The following RNF126 variants were observed in gnomAD, a reference collection of about 807,000 sequenced individuals.
RNF126 encodes E3 ubiquitin-protein ligase RNF126.
RNF126 carries 20 observed loss-of-function variants against 41.9 expected under a neutral mutation model. The observed-to-expected ratio is 0.48, with a 90% CI of 0.34 to 0.69. RNF126 has a LOEUF of 0.69. Ranked by LOEUF, RNF126 falls within the 30% of genes least tolerant of loss-of-function variation. The pLI is 0.01. For missense variants in RNF126, 433 were observed against 460.6 expected, an observed-to-expected ratio of 0.94 and a Z score of 0.55; for synonymous variants, 239 against 202.9, an observed-to-expected ratio of 1.18 and a Z score of -1.51.
chr19:651,574 C>T (rs560298622), intron 4 of RNF126, 37 bp downstream of exon 4: 252 of 1,388,224 alleles, frequency 1.8e-4, no homozygotes, highest in South Asian at 2.9e-4. Context: ...GACCTCAAGG[C>T]GTGGGGCCCT....
At position 649,711 on chromosome 19, in the gene RNF126, C is replaced by T. The variant is rs866794144; in HGVS notation, c.544G>A (p.Gly182Arg). The T allele has an allele frequency of 6.4e-7, 1 of 1,570,870 alleles. No homozygotes were observed. Among genetic ancestry groups the T allele is most frequent in the Non-Finnish European group, 8.6e-7 (1 of 1,156,206 alleles). The change falls in exon 6 of 9, where the codon GGG (glycine) becomes AGG (arginine). Residue 182 changes from glycine (G) to arginine (R), a missense_variant. Physicochemically the swap from Gly to Arg is moderately radical, Grantham distance 125. This residue lies in a region of RNF126 where 97 missense variants were observed against 121.7 expected (regional missense o/e 0.80). Transcript: ENST00000292363. The stretch of plus-strand genomic sequence containing the variant: ...ATGATGGCATCCAGGCCGTTGGCCC[C>T]CCAGGCGTAGTCCATAGGGTTTGAG... ...LHSNPMDYAWGANGLDAIITQ... is the reference protein window; with the variant it reads ...LHSNPMDYAWRANGLDAIITQ...
chr19:651,808 A>G lies in RNF126; in HGVS notation c.246T>C (p.Phe82=). Residue 82 remains phenylalanine (F), a synonymous_variant, in exon 4 of 9, where the codon TTT becomes TTC. Transcript: ENST00000292363. Reference sequence around the variant, plus strand: ...AGCTGTCATCGAAGATGCCGAAAGCAAACTGTCCGTAGCCCTGCGGCAGCG... The same window carrying G: ...AGCTGTCATCGAAGATGCCGAAAGCGAACTGTCCGTAGCCCTGCGGCAGCG... ...LFTLPQGYGQ[F]AFGIFDDSFE... 1.3e-5 allele frequency: 21 copies of G among 1,612,740 alleles called. No homozygotes were observed. The highest frequency in any genetic ancestry group is 1.8e-5 in the Non-Finnish European group (21 of 1,179,852).
At chr19:655,469 G>A (rs773274708) in intron 1 of RNF126, among the ~76,000 whole-genome samples, 1 of 151,890 alleles carries the variant, frequency 6.6e-6, no homozygotes, top group Non-Finnish European at 1.5e-5. Context: ...CCGGGCGACA[G>A]AGTGACACTC....
chr19:652,699 C>T (rs933167320), intron 2 of RNF126, 127 bp downstream of exon 2: 29 of 832,056 alleles, frequency 3.5e-5, no homozygotes, highest in Non-Finnish European at 5.3e-5. Context: ...AAAGTGCTCC[C>T]GGAGCCACAG....
intron 1 of RNF126, among the ~76,000 whole-genome samples, chr19:657,521 G>A (rs1172085239): frequency 6.6e-6 from 1 of 152,220 alleles, no homozygotes; most frequent in Non-Finnish European, 1.5e-5. Flanking sequence ...CCCTCTCTCT[G>A]CAGCACCCAC....
At chr19:657,583 A>G (rs555716838) in intron 1 of RNF126, among the ~76,000 whole-genome samples, 73 of 152,200 alleles carry the variant, frequency 4.8e-4, no homozygotes, top group African/African-American at 1.7e-3. Context: ...CGCCCACCCT[A>G]GGGGTTTCAA....
In RNF126 at chr19:647,908, G is replaced by A. The variant is rs747403945; in HGVS notation, c.*220C>T. The stretch of plus-strand genomic sequence containing the variant: ...TAGAGGGTGAGGTTAGACAGAGGAC[G>A]GGGAGGCTGGGGACGCCCCAGAGGG... On this transcript the variant is annotated 3_prime_UTR_variant, in exon 9 of 9. Transcript: ENST00000292363. 7.7e-5 allele frequency: 49 copies of A among 634,328 alleles called. No individual in the cohort carries two copies. Among genetic ancestry groups the A allele is most frequent in the Middle Eastern group, 3.5e-4 (1 of 2,830 alleles). 39.3% of individuals were successfully genotyped at this position (634,328 alleles called of 1,614,324 possible).
At chr19:652,669 C>T (rs983112197) in intron 2 of RNF126, 157 bp downstream of exon 2, 19 of 685,280 alleles carry the variant, frequency 2.8e-5, no homozygotes, top group Admixed American at 7.9e-5. Context: ...GAGAACGGCA[C>T]GCTGCTGTCT....
intron 1 of RNF126, among the ~76,000 whole-genome samples, chr19:655,378 C>T (rs1319098755): frequency 2.6e-5 from 4 of 151,492 alleles, no homozygotes; most frequent in African/African-American, 9.7e-5. Flanking sequence ...CGGGCAAAGT[C>T]GGGAGGCTGA....
chr19:648,626 C>G, intron 7 of RNF126, 139 bp from the exon 8 acceptor site: 1 of 726,486 alleles, frequency 1.4e-6, no homozygotes, highest in South Asian at 1.7e-5. Context: ...GTCCCCCGGG[C>G]TGCCAGAGGG....
intron 1 of RNF126, among the ~76,000 whole-genome samples, chr19:658,369 G>C (rs754725925): frequency 1.8e-3 from 221 of 122,014 alleles, no homozygotes; most frequent in Non-Finnish European, 2.7e-3. Context: ...ACAGTGACCA[G>C]GGCAGGCAGG....
chr19:648,771 C>A, intron 7 of RNF126, 111 bp downstream of exon 7: 2 of 738,774 alleles, frequency 2.7e-6, no homozygotes, highest in East Asian at 5.5e-5. Flanking sequence ...GAGTTCGAGA[C>A]CTGCCTGACC....
rs774727819 is a variant in RNF126, at chr19:652,273, G to C, written c.158C>G (p.Pro53Arg). 6.4e-7 allele frequency: 1 copy of C among 1,554,786 alleles called. No individual in the cohort carries two copies. Among genetic ancestry groups the C allele is most frequent in the South Asian group, 1.2e-5 (1 of 81,028 alleles). Residue 53 changes from proline (P) to arginine (R), a missense_variant, in exon 3 of 9, where the codon CCC becomes CGC. Physicochemically the swap from Pro to Arg is moderately radical, Grantham distance 103. This residue lies in a region of RNF126 where 247 missense variants were observed against 224.7 expected (regional missense o/e 1.10). Transcript: ENST00000292363. ...GCTCTGGTCTGTGGGAGCTGTGGAG[G>C]GGGCAGAACCATTTTCTGTGCTCCT... is the stretch of plus-strand genomic sequence containing the variant. ...ETRSTENGSA[P>R]STAPTDQSRP...
At chr19:649,447 G>A (rs989726348) in intron 6 of RNF126, 1 of 554,264 alleles carries the variant, frequency 1.8e-6, no homozygotes, top group Non-Finnish European at 3.2e-6. Flanking sequence ...CCTCCCCGCG[G>A]TTTTGCTACA....
intron 1 of RNF126, among the ~76,000 whole-genome samples, chr19:656,516 G>C (rs1030815039): frequency 6.6e-6 from 1 of 152,112 alleles, no homozygotes; most frequent in Non-Finnish European, 1.5e-5. Flanking sequence ...GGGCACGGTG[G>C]TGGGTGCCTG....
intron 1 of RNF126, among the ~76,000 whole-genome samples, chr19:662,134 C>A (rs1263302348): frequency 2.6e-5 from 4 of 152,164 alleles, no homozygotes; most frequent in Non-Finnish European, 5.9e-5. Context: ...GCCTGGGCAA[C>A]ACAGGGAGAC....
intron 3 of RNF126, 133 bp from the exon 4 acceptor site, chr19:651,988 G>A: frequency 1.2e-6 from 1 of 835,114 alleles, no homozygotes; most frequent in Admixed American, 2.9e-5. Context: ...ACGCAGACAG[G>A]GAGGCAGGAA....
intron 1 of RNF126, among the ~76,000 whole-genome samples, chr19:662,079 G>A (rs570163234): frequency 3.3e-5 from 5 of 152,324 alleles, no homozygotes; most frequent in South Asian, 2.1e-4. Context: ...AGCGTTTTGG[G>A]AGGCTGAGCC....
chr19:648,345 G>A (rs7254550), intron 8 of RNF126, 27 bp downstream of exon 8: 48 of 497,038 alleles, frequency 9.7e-5, no homozygotes, highest in Non-Finnish European at 1.3e-4. Context: ...CGGTCGGGGT[G>A]GGGGGGCGGG....
Sources: allele counts gnomAD v4.1 joint callset (sites outside exome capture counted in the v4.1 genomes callset), GRCh38; gene constraint gnomAD v4.1.1; regional missense constraint gnomAD v4.1.1; transcripts MANE v1.5; gene names NCBI Gene and HGNC (gene_info 2026-07-23, HGNC 2026-07-21).